INTU: variants seen among roughly 807,000 people sequenced by gnomAD.
INTU encodes the protein protein inturned.
A neutral mutation model predicts 100.5 loss-of-function variants in INTU; 68 were observed. The ratio of observed to expected loss-of-function variants is 0.68; its 90% CI spans 0.56 to 0.83. The LOEUF (loss-of-function observed/expected upper bound fraction) is 0.83. Ranked by LOEUF, INTU falls within the 40% of genes least tolerant of loss-of-function variation. The pLI is 0.00. For missense variants in INTU, 1,071 were observed against 1,114.7 expected, an observed-to-expected ratio of 0.96 and a Z score of 0.56; for synonymous variants, 357 against 395.7, an observed-to-expected ratio of 0.90 and a Z score of 1.16.
rs1209385448 is a variant in INTU, at chr4:127,719,743, C to T, written c.*3307C>T. ...TATGTGTCCAGGAATTTATCCATTT[C>T]TTCTAGATTTTCGAGTTTATTTGCA... On this transcript the variant is annotated 3_prime_UTR_variant, in exon 16 of 16. Transcript: ENST00000335251. 6.6e-6 allele frequency: 1 copy of T among 152,058 alleles called. No homozygotes were observed. The highest frequency in any genetic ancestry group is 2.4e-5 in the African/African-American group (1 of 41,402). The allele number at this position is 152,058 out of a possible 1,614,324, so 9.4% of individuals were successfully genotyped here.
intron 8 of INTU, among the ~76,000 whole-genome samples, chr4:127,692,379 G>A (rs1730185797): frequency 6.6e-6 from 1 of 152,006 alleles, no homozygotes; most frequent in African/African-American, 2.4e-5. Flanking sequence ...TTAGCCAGTT[G>A]TATATCTTCT....
At position 127,704,853 on chromosome 4, in the gene INTU, C is replaced by T. The variant is rs114232388; in HGVS notation, c.1566+563C>T. Among the ~76,000 whole-genome samples the T allele has an allele frequency of 5.1e-3, 781 of 151,884 alleles. 9 individuals carry two copies. The highest frequency in any genetic ancestry group is 0.018 in the African/African-American group (753 of 41,436). On this transcript the variant is annotated intron_variant, in intron 10 of 15. Coordinates refer to ENST00000335251, the MANE Select transcript of INTU (RefSeq NM_015693.4). ...CTGTAATCCCATCACTTTGGGGGGC[C>T]GAGGCAGGCAGAACACCAGAGGTCA...
At chr4:127,635,758 A>G (rs1032534262) in intron 1 of INTU, among the ~76,000 whole-genome samples, 4 of 152,222 alleles carry the variant, frequency 2.6e-5, no homozygotes, top group Non-Finnish European at 4.4e-5. Context: ...GAAAATGAAC[A>G]TATCCATCTC....
chr4:127,661,359 C>T (rs1728467814), intron 3 of INTU, among the ~76,000 whole-genome samples: 1 of 151,954 alleles, frequency 6.6e-6, no homozygotes, highest in African/African-American at 2.4e-5. Flanking sequence ...TAAAAATTTC[C>T]CTTTTTTTAT....
At chr4:127,713,299 CA>C (rs1367254401) in intron 14 of INTU, among the ~76,000 whole-genome samples, 1 of 151,772 alleles carries the variant, frequency 6.6e-6, no homozygotes, top group Non-Finnish European at 1.5e-5. Flanking sequence ...GAGGGCAAAC[CA>C]AAAAGATCTG....
chr4:127,642,839 T>C (rs1727391609), intron 1 of INTU, among the ~76,000 whole-genome samples: 1 of 152,080 alleles, frequency 6.6e-6, no homozygotes, highest in African/African-American at 2.4e-5. Context: ...ATGAATTATG[T>C]AATATGTGCT....
At position 127,718,174 on chromosome 4, in the gene INTU, T is replaced by C. The variant is rs1347592357; in HGVS notation, c.*1738T>C. The stretch of plus-strand genomic sequence containing the variant: ...AATTTTTTGTATAAGGTATGAGGAA[T>C]GGGTCCAGTTTCTATTTTCTGCATA... On this transcript the variant is annotated 3_prime_UTR_variant, in exon 16 of 16. Transcript: ENST00000335251. 6.6e-6 allele frequency: 1 copy of C among 152,138 alleles called. No homozygotes were observed. The allele number at this position is 152,138 out of a possible 1,614,324, so 9.4% of individuals were successfully genotyped here.
At chr4:127,651,868 A>G (rs1456845420) in intron 2 of INTU, among the ~76,000 whole-genome samples, 6 of 151,330 alleles carry the variant, frequency 4.0e-5, no homozygotes, top group South Asian at 2.1e-4. Context: ...ATGTTCTTCC[A>G]TTTGTTTGTA....
rs751189544 is a variant in INTU, at chr4:127,705,828, CTTCT to C, written c.1788+22_1788+25del. On this transcript the variant is annotated intron_variant, in intron 11 of 15. Transcript: ENST00000335251. ...TGTTGGCTTGGTAAGTTTACCTCAG[CTTCT>C]TTCTTAGGATTTTTCTTCTTTTCTT... 13 of 1,590,306 alleles carry C rather than the reference CTTCT, an allele frequency of 8.2e-6. No homozygotes were observed. Among genetic ancestry groups the C allele is most frequent in the Non-Finnish European group, 1.1e-5 (13 of 1,161,624 alleles).
chr4:127,656,080 C>T (rs1032765361), intron 2 of INTU, among the ~76,000 whole-genome samples: 1 of 152,266 alleles, frequency 6.6e-6, no homozygotes, highest in Non-Finnish European at 1.5e-5. Flanking sequence ...CCTGCTTTGG[C>T]TTGCACACGG....
rs1400292877 is a variant in INTU, at chr4:127,711,000, G to A, written c.2457G>A (p.Glu819=). The A allele has an allele frequency of 6.2e-7, 1 of 1,607,770 alleles. No homozygotes were observed. The highest frequency in any genetic ancestry group is 2.2e-5 in the East Asian group (1 of 44,792). ...QGIFITPTLE[E]VAQLSGSIHP... ...TCTTTATTACTCCTACCCTTGAAGA[G>A]GTGGCACAGCTAAGTGGCTCTATCC... Residue 819 remains glutamate (E), a synonymous_variant, in exon 14 of 16, where the codon GAG becomes GAA. Transcript: ENST00000335251.
At position 127,662,389 on chromosome 4, in the gene INTU, G is replaced by A. The variant is rs28479428; in HGVS notation, c.769-992G>A. 9.4e-3 allele frequency among the ~76,000 whole-genome samples: 1,433 copies of A among 152,122 alleles called. 24 individuals are homozygous for A. Among genetic ancestry groups the A allele is most frequent in the African/African-American group, 0.033 (1,379 of 41,498 alleles). On this transcript the variant is annotated intron_variant, in intron 3 of 15. Coordinates refer to ENST00000335251, the MANE Select transcript of INTU (RefSeq NM_015693.4). ...AAAGAGTACATTTTCTTCTGGAATT[G>A]TTATGGTTTCAGGTCTTAGATTTAA...
In INTU at chr4:127,643,605, C is replaced by T. The variant is rs1210307910; in HGVS notation, c.231C>T (p.Ser77=). The change falls in exon 2 of 16, where the codon AGC becomes AGT. Residue 77 remains serine (S), a synonymous_variant. Coordinates refer to ENST00000335251, the MANE Select transcript of INTU (RefSeq NM_015693.4). ...YLELSEDEEE[S]LLPETPTVNH... is the part of the protein sequence containing the mutation. Reference sequence around the variant, plus strand: ...AATTGAGTGAGGATGAAGAAGAAAGCCTCCTTCCTGAGACACCAACTGTGA... The same window carrying T: ...AATTGAGTGAGGATGAAGAAGAAAGTCTCCTTCCTGAGACACCAACTGTGA... 12 of 1,613,094 alleles carry T rather than the reference C, an allele frequency of 7.4e-6. No homozygotes were observed. The highest frequency in any genetic ancestry group is 2.2e-5 in the East Asian group (1 of 44,876).
At chr4:127,684,124 G>A (rs1205059226) in intron 6 of INTU, among the ~76,000 whole-genome samples, 1 of 152,156 alleles carries the variant, frequency 6.6e-6, no homozygotes, top group Non-Finnish European at 1.5e-5. Context: ...AGGGCTTGGT[G>A]ACTACTGGCC....
At chr4:127,703,297 A>G (rs1447782288) in intron 9 of INTU, among the ~76,000 whole-genome samples, 1 of 152,114 alleles carries the variant, frequency 6.6e-6, no homozygotes, top group African/African-American at 2.4e-5. Flanking sequence ...TGGGTTTTTT[A>G]AAAAGAAAAA....
At chr4:127,676,141 A>T (rs1223095321) in intron 6 of INTU, 2 of 166,124 alleles carry the variant, frequency 1.2e-5, no homozygotes, top group Non-Finnish European at 2.7e-5. Context: ...ATGGAGGGAT[A>T]ATGGCGCTGT....
rs78577082 is a variant in INTU, at chr4:127,709,382, G to A, written c.2369+714G>A. On this transcript the variant is annotated intron_variant, in intron 13 of 15. Transcript: ENST00000335251. ...AGTACTTCCTAATAAGTTTCCTCCC[G>A]GCATATCTCACTCTCAGAGTTTGGG... Among the ~76,000 whole-genome samples the A allele has an allele frequency of 4.2e-3, 641 of 152,070 alleles. 7 individuals are homozygous for A. The highest frequency in any genetic ancestry group is 0.015 in the African/African-American group (614 of 41,446).
intron 8 of INTU, among the ~76,000 whole-genome samples, chr4:127,694,980 C>T (rs1275874695): frequency 6.6e-6 from 1 of 152,164 alleles, no homozygotes; most frequent in Non-Finnish European, 1.5e-5. Flanking sequence ...ATTGTACTGG[C>T]TGTTCTTGGT....
intron 4 of INTU, among the ~76,000 whole-genome samples, chr4:127,668,478 C>A (rs894667389): frequency 6.6e-6 from 1 of 151,592 alleles, no homozygotes; most frequent in Admixed American, 6.6e-5. Context: ...ACACTTTTTT[C>A]TTATTATCTA....
Sources: allele counts gnomAD v4.1 joint callset (sites outside exome capture counted in the v4.1 genomes callset), GRCh38; gene constraint gnomAD v4.1.1; transcripts MANE v1.5; gene names NCBI Gene and HGNC (gene_info 2026-07-23, HGNC 2026-07-21).